The following HNMT variants were observed in gnomAD, a reference collection of about 807,000 sequenced individuals.
The protein encoded by HNMT is histamine N-methyltransferase.
A neutral mutation model predicts 32.1 loss-of-function variants in HNMT; 30 were observed. That is an observed-to-expected ratio of 0.93 (90% CI 0.70 to 1.27). HNMT has a LOEUF of 1.27. Among genes scored for constraint, HNMT ranks in the 50% most tolerant of loss-of-function variants. The pLI, the probability that HNMT is intolerant of heterozygous loss-of-function variation, is 0.00. For missense variants in HNMT, 327 were observed against 346.0 expected (o/e 0.95, Z 0.43); for synonymous variants, 125 against 119.0 (o/e 1.05, Z -0.33).
chr2:137,971,546 A>T (rs1680138433), intron 2 of HNMT, among the ~76,000 whole-genome samples: 1 of 152,124 alleles, frequency 6.6e-6, no homozygotes, highest in African/African-American at 2.4e-5. Flanking sequence ...TCTAGGGGAA[A>T]ATTTAAAGTC....
chr2:137,975,337 G>A (rs1355181236), intron 2 of HNMT, among the ~76,000 whole-genome samples: 1 of 152,206 alleles, frequency 6.6e-6, no homozygotes, highest in South Asian at 2.1e-4. Context: ...ACTTTCTTGT[G>A]AGGGTTTGAT....
At chr2:137,995,070 A>C (rs1680947900) in intron 2 of HNMT, among the ~76,000 whole-genome samples, 1 of 152,124 alleles carries the variant, frequency 6.6e-6, no homozygotes, top group African/African-American at 2.4e-5. Flanking sequence ...AAGCCTGAAG[A>C]TCTCAAGTTG....
chr2:137,993,155 G>A (rs1260998209), intron 2 of HNMT, among the ~76,000 whole-genome samples: 1 of 152,120 alleles, frequency 6.6e-6, no homozygotes, highest in Non-Finnish European at 1.5e-5. Flanking sequence ...TCCTCCAAAT[G>A]ATTTCAACCT....
At chr2:137,971,336 C>A (rs893574986) in intron 2 of HNMT, among the ~76,000 whole-genome samples, 1 of 152,078 alleles carries the variant, frequency 6.6e-6, no homozygotes, top group Admixed American at 6.6e-5. Flanking sequence ...CCAACCACCG[C>A]ACCTGGCTAA....
chr2:137,978,445 T>G (rs1018741424), intron 2 of HNMT, among the ~76,000 whole-genome samples: 1 of 143,810 alleles, frequency 7.0e-6, no homozygotes, highest in Non-Finnish European at 1.5e-5. Context: ...ATACATATGA[T>G]TAGATAATAT....
intron 4 of HNMT, among the ~76,000 whole-genome samples, chr2:138,003,750 C>T (rs754634934): frequency 1.5e-4 from 23 of 152,082 alleles, no homozygotes; most frequent in Non-Finnish European, 2.8e-4. Flanking sequence ...ATTTTTTACC[C>T]TCTAACTTTG....
At chr2:137,973,104 G>A (rs1680183607) in intron 2 of HNMT, among the ~76,000 whole-genome samples, 1 of 152,090 alleles carries the variant, frequency 6.6e-6, no homozygotes, top group Non-Finnish European at 1.5e-5. Flanking sequence ...AATCAGAAAT[G>A]TAAGAAAAAC....
intron 5 of HNMT, among the ~76,000 whole-genome samples, chr2:138,010,676 C>G (rs1681476555): frequency 6.6e-6 from 1 of 151,996 alleles, no homozygotes; most frequent in Non-Finnish European, 1.5e-5. Context: ...CAGAATTACC[C>G]TAACTCAAGA....
At chr2:138,001,490 C>T (rs191654576) in intron 3 of HNMT, among the ~76,000 whole-genome samples, 1 of 152,260 alleles carries the variant, frequency 6.6e-6, no homozygotes, top group East Asian at 1.9e-4. Context: ...GGTAAACTAA[C>T]AAGCATGGGT....
intron 2 of HNMT, chr2:137,991,852 T>G (rs140724066): frequency 5.1e-4 from 78 of 152,346 alleles, no homozygotes; most frequent in African/African-American, 1.8e-3. Context: ...ACAGCAGCGT[T>G]TGGAGGCCCC....
chr2:137,983,196 A>C (rs536861540), intron 2 of HNMT, among the ~76,000 whole-genome samples: 28 of 152,308 alleles, frequency 1.8e-4, no homozygotes, highest in African/African-American at 6.0e-4. Flanking sequence ...AGTAGAATAC[A>C]CAGACTTGCC....
rs903201458 is a variant in HNMT, at chr2:138,016,084, T to C, written c.*1954T>C. 6 of 152,062 alleles carry C rather than the reference T, an allele frequency of 3.9e-5. No homozygotes were observed. Among genetic ancestry groups the C allele is most frequent in the Non-Finnish European group, 1.5e-5 (1 of 67,994 alleles). The allele number at this position is 152,062 out of a possible 1,614,324, so 9.4% of individuals were successfully genotyped here. On this transcript the variant is annotated 3_prime_UTR_variant, in exon 6 of 6. Transcript: ENST00000280097. ...GTTTTCTTCCTGCACTGTATGATAA[T>C]ACCAAAATTTGGGACAGTCACATAC...
Position 138,013,964 on chromosome 2 carries a change from A to G in HNMT, c.713A>G (p.Asp238Gly), listed in dbSNP as rs1364925657. The change falls in exon 6 of 6, where the codon GAC (aspartate) becomes GGC (glycine). Residue 238 changes from aspartate to glycine, a missense_variant. Transcript: ENST00000280097. ...TTTATTGATGGTAATGAAAATGGAG[A>G]CCTGCTTTGGGATTTTTTGACTGAA... ...DCFIDGNENG[D>G]LLWDFLTETC... The G allele has an allele frequency of 1.2e-6, 2 of 1,613,604 alleles. No individual in the cohort carries two copies. Among genetic ancestry groups the G allele is most frequent in the Non-Finnish European group, 1.7e-6 (2 of 1,179,830 alleles).
At chr2:137,996,086 A>T (rs983379329) in intron 2 of HNMT, among the ~76,000 whole-genome samples, 1 of 152,234 alleles carries the variant, frequency 6.6e-6, no homozygotes, top group South Asian at 2.1e-4. Flanking sequence ...CAAAAGCTGG[A>T]AGCATTCCTG....
In HNMT at chr2:138,014,015, C is replaced by T. The variant is rs768182598; in HGVS notation, c.764C>T (p.Pro255Leu). 2 of 1,613,580 alleles carry T rather than the reference C, an allele frequency of 1.2e-6. No homozygotes were observed. Among genetic ancestry groups the T allele is most frequent in the African/African-American group, 2.7e-5 (2 of 74,866 alleles). The change falls in exon 6 of 6, where the codon CCA becomes CTA. Residue 255 changes from proline to leucine, a missense_variant. Coordinates refer to ENST00000280097, the MANE Select transcript of HNMT (RefSeq NM_006895.3). ...ACCTGCAACTTTAATGCCACAGCAC[C>T]ACCTGATCTCAGAGCAGAGCTTGGG... ...TETCNFNATA[P>L]PDLRAELGKD...
chr2:137,970,852 G>A (rs1680103128), intron 2 of HNMT, among the ~76,000 whole-genome samples: 1 of 149,290 alleles, frequency 6.7e-6, no homozygotes, highest in Middle Eastern at 3.5e-3. Flanking sequence ...TCCTGGAGGC[G>A]GAGCTTGCAG....
intron 2 of HNMT, among the ~76,000 whole-genome samples, chr2:137,976,375 A>G (rs1680291138): frequency 6.6e-6 from 1 of 151,980 alleles, no homozygotes; most frequent in Non-Finnish European, 1.5e-5. Flanking sequence ...TTGGAGAAAT[A>G]CTTTACAGAT....
chr2:137,968,383 G>T (rs1466134018), intron 1 of HNMT, among the ~76,000 whole-genome samples: 3 of 152,174 alleles, frequency 2.0e-5, no homozygotes, highest in Non-Finnish European at 4.4e-5. Context: ...TCACTTACAT[G>T]TACCTAGAAT....
Position 137,985,925 on chromosome 2 carries a change from C to T in HNMT, c.191-14993C>T, listed in dbSNP as rs148754974. ...CAGAGCTTGCAGTGAGCCAAAATCA[C>T]ACCACTGCACTCCAGCCTGGGCGAC... On this transcript the variant is annotated intron_variant, in intron 2 of 5. Coordinates refer to ENST00000280097, the MANE Select transcript of HNMT (RefSeq NM_006895.3). 1.0e-2 allele frequency among the ~76,000 whole-genome samples: 1,520 copies of T among 152,074 alleles called. 28 individuals are homozygous for T. The highest frequency in any genetic ancestry group is 0.035 in the African/African-American group (1,463 of 41,452).
Sources: gnomAD v4.1 joint callset for allele counts (sites outside exome capture counted in the v4.1 genomes callset) on GRCh38, gnomAD v4.1.1 for gene constraint, MANE v1.5 for transcripts, NCBI Gene and HGNC (gene_info 2026-07-23, HGNC 2026-07-21) for gene names.